The following EYS variants were observed in gnomAD, a reference collection of about 807,000 sequenced individuals.
EYS encodes EGF-like photoreceptor maintenance factor.
EYS carries 250 observed loss-of-function variants against 282.1 expected under a neutral mutation model. The observed-to-expected ratio is 0.89, with a 90% CI of 0.80 to 0.98. The LOEUF is 0.98. EYS is among the 50% of genes least tolerant of loss of function. The pLI is 0.00. For missense variants in EYS, 4,016 were observed against 3,709.0 expected (o/e 1.08, Z -2.15); for synonymous variants, 1,355 against 1,282.9 (o/e 1.06, Z -1.20).
At chr6:65,099,238 G>T (rs1012959486) in intron 12 of EYS, among the ~76,000 whole-genome samples, 3 of 150,574 alleles carry the variant, frequency 2.0e-5, no homozygotes, top group Admixed American at 2.0e-4. Flanking sequence ...TACAATAAAT[G>T]CTTTGAATAG....
chr6:65,618,395 G>A (rs1388531169), intron 2 of EYS, among the ~76,000 whole-genome samples: 1 of 152,170 alleles, frequency 6.6e-6, no homozygotes, highest in Non-Finnish European at 1.5e-5. Context: ...CTTTTCGATG[G>A]GGCTGTTTGT....
chr6:64,122,889 A>G (rs960975172), intron 31 of EYS, among the ~76,000 whole-genome samples: 1 of 151,932 alleles, frequency 6.6e-6, no homozygotes, highest in Non-Finnish European at 1.5e-5. Context: ...ATGACCCAGG[A>G]TAAATAACAG....
chr6:65,703,374 C>CT (rs928568743), intron 1 of EYS, among the ~76,000 whole-genome samples: 4 of 151,988 alleles, frequency 2.6e-5, no homozygotes, highest in Admixed American at 6.6e-5. Context: ...AGCAATAATT[C>CT]TTTTTTTATA....
At chr6:64,393,228 C>T (rs1177209061) in intron 28 of EYS, among the ~76,000 whole-genome samples, 1 of 152,158 alleles carries the variant, frequency 6.6e-6, no homozygotes, top group Non-Finnish European at 1.5e-5. Context: ...ACCATTCCTT[C>T]TGAAACCATT....
chr6:64,615,371 G>A (rs1025636879), intron 24 of EYS, among the ~76,000 whole-genome samples: 1 of 151,798 alleles, frequency 6.6e-6, no homozygotes, highest in Non-Finnish European at 1.5e-5. Flanking sequence ...ATTTTCTAAT[G>A]TTTTTATGCA....
At chr6:65,298,572 T>C (rs761453401) in intron 11 of EYS, among the ~76,000 whole-genome samples, 2 of 152,008 alleles carry the variant, frequency 1.3e-5, no homozygotes, top group Admixed American at 6.6e-5. Flanking sequence ...TTTTAAAATT[T>C]GACGAGTTGT....
At chr6:65,469,121 G>T (rs1006431722) in intron 5 of EYS, among the ~76,000 whole-genome samples, 2 of 151,916 alleles carry the variant, frequency 1.3e-5, no homozygotes, top group African/African-American at 2.4e-5. Context: ...TCCCATTCAA[G>T]ATATGAGATA....
chr6:65,571,600 C>T (rs958983030), intron 2 of EYS, among the ~76,000 whole-genome samples: 4 of 151,912 alleles, frequency 2.6e-5, no homozygotes, highest in African/African-American at 9.7e-5. Context: ...ATCTGGTCTC[C>T]TATAGCCATA....
chr6:65,648,420 T>C (rs557000505), intron 1 of EYS, among the ~76,000 whole-genome samples: 67 of 151,990 alleles, frequency 4.4e-4, no homozygotes, highest in Non-Finnish European at 7.7e-4. Context: ...CTGGATGGTA[T>C]TGGAGACTAT....
At chr6:64,830,725 T>C (rs1765188030) in intron 19 of EYS, among the ~76,000 whole-genome samples, 3 of 151,990 alleles carry the variant, frequency 2.0e-5, no homozygotes, top group Admixed American at 1.3e-4. Context: ...TGGGTATCTG[T>C]TTCCAGATTA....
chr6:63,921,141 C>T (rs1442603486), intron 35 of EYS, among the ~76,000 whole-genome samples: 11 of 152,164 alleles, frequency 7.2e-5, no homozygotes. Flanking sequence ...CGTGATCTGC[C>T]CGCCTCGGCA....
intron 13 of EYS, among the ~76,000 whole-genome samples, chr6:65,031,720 A>G (rs935137113): frequency 3.9e-5 from 6 of 152,140 alleles, no homozygotes; most frequent in Non-Finnish European, 7.4e-5. Flanking sequence ...TCTCTGGGAC[A>G]TTGTGAAAGT....
At chr6:63,773,332 A>G (rs1428366408) in intron 40 of EYS, among the ~76,000 whole-genome samples, 1 of 152,188 alleles carries the variant, frequency 6.6e-6, no homozygotes, top group Non-Finnish European at 1.5e-5. Context: ...TCTCTCAAGG[A>G]AGCAACAGTG....
chr6:64,763,871 G>C (rs1464126775), intron 22 of EYS, among the ~76,000 whole-genome samples: 1 of 152,178 alleles, frequency 6.6e-6, no homozygotes, highest in Non-Finnish European at 1.5e-5. Flanking sequence ...CCAAAACCCA[G>C]TTGGGCAGTC....
At chr6:65,285,952 T>G (rs2150279174) in intron 12 of EYS, among the ~76,000 whole-genome samples, 1 of 152,022 alleles carries the variant, frequency 6.6e-6, no homozygotes, top group African/African-American at 2.4e-5. Context: ...TATTTTGGCC[T>G]TCACCCATCG....
At chr6:64,459,293 C>G (rs1775665204) in intron 26 of EYS, among the ~76,000 whole-genome samples, 1 of 152,132 alleles carries the variant, frequency 6.6e-6, no homozygotes, top group Non-Finnish European at 1.5e-5. Flanking sequence ...AGTCTATGCA[C>G]TATTTAAAAG....
chr6:64,627,808 G>A (rs1231413136), intron 22 of EYS, among the ~76,000 whole-genome samples: 2 of 152,182 alleles, frequency 1.3e-5, no homozygotes, highest in African/African-American at 2.4e-5. Context: ...GGCCGGGGGC[G>A]GTGGCTCACG....
chr6:63,735,078 C>T (rs2149637423), intron 41 of EYS, among the ~76,000 whole-genome samples: 1 of 152,182 alleles, frequency 6.6e-6, no homozygotes, highest in African/African-American at 2.4e-5. Context: ...AGCTATGATT[C>T]AGAGGAAAAA....
chr6:65,185,650 GC>G (rs1277637847), intron 12 of EYS, among the ~76,000 whole-genome samples: 2 of 151,734 alleles, frequency 1.3e-5, no homozygotes, highest in Non-Finnish European at 2.9e-5. Context: ...TGACATGAGT[GC>G]TAGGCTCTGT....
Sources: allele counts gnomAD v4.1 joint callset (sites outside exome capture counted in the v4.1 genomes callset), GRCh38; gene constraint gnomAD v4.1.1; transcripts MANE v1.5; gene names NCBI Gene and HGNC (gene_info 2026-07-23, HGNC 2026-07-21).